ADARB2: variants seen among roughly 807,000 people sequenced by gnomAD.
ADARB2 encodes the protein inactive double-stranded RNA-specific editase B2.
A neutral mutation model predicts 62.2 loss-of-function variants in ADARB2; 25 were observed. The ratio of observed to expected loss-of-function variants is 0.40; its 90% CI spans 0.29 to 0.56. The LOEUF (loss-of-function observed/expected upper bound fraction) is 0.56. ADARB2 is among the 20% of genes least tolerant of loss of function. The pLI is 0.43. For missense variants in ADARB2, 1,071 were observed against 1,077.4 expected, an observed-to-expected ratio of 0.99 and a Z score of 0.08; for synonymous variants, 572 against 500.8, an observed-to-expected ratio of 1.14 and a Z score of -1.90.
intron 1 of ADARB2, among the ~76,000 whole-genome samples, chr10:1,467,044 ATCTCTC>A (rs35329131): frequency 6.7e-6 from 1 of 149,222 alleles, no homozygotes; most frequent in African/African-American, 2.5e-5. Context: ...TATTTACAGC[ATCTCTC>A]TCTCTCTCTC....
At position 1,327,611 on chromosome 10, in the gene ADARB2, T is replaced by G. The variant is rs1342625613; in HGVS notation, c.1077+35417A>C. ...TCCTCACTGCACAGCGCCTCCTCACTGCCCAGCGCCTCCCCACGGCACAGC... is the reference window on the plus strand; with the variant it reads ...TCCTCACTGCACAGCGCCTCCTCACGGCCCAGCGCCTCCCCACGGCACAGC... On this transcript the variant is annotated intron_variant, in intron 3 of 9. Coordinates refer to ENST00000381312, the MANE Select transcript of ADARB2 (RefSeq NM_018702.4). 8.1e-3 allele frequency among the ~76,000 whole-genome samples: 501 copies of G among 62,156 alleles called. 106 individuals are homozygous for G. Among genetic ancestry groups the G allele is most frequent in the Non-Finnish European group, 0.011 (330 of 29,764 alleles). 40.8% of individuals were successfully genotyped at this position (62,156 alleles called of 152,430 possible). A position where few individuals can be genotyped will look rare whatever the true frequency, so the allele number is the denominator to read the frequency against.
At chr10:1,725,060 C>A (rs1190439264) in intron 1 of ADARB2, among the ~76,000 whole-genome samples, 1 of 152,162 alleles carries the variant, frequency 6.6e-6, no homozygotes, top group Non-Finnish European at 1.5e-5. Context: ...GTTAAACAGA[C>A]GCACTGCACT....
chr10:1,639,000 T>A lies in ADARB2; in HGVS notation c.100+98051A>T, dbSNP rs115561356. 9.0e-3 allele frequency among the ~76,000 whole-genome samples: 1,369 copies of A among 152,294 alleles called. 8 individuals carry two copies. Among genetic ancestry groups the A allele is most frequent in the Middle Eastern group, 0.037 (11 of 294 alleles). On this transcript the variant is annotated intron_variant, in intron 1 of 9. Coordinates refer to ENST00000381312, the MANE Select transcript of ADARB2 (RefSeq NM_018702.4). ...GGGGAAGAAGCCGTCTTGGCGAGTG[T>A]CTTGGTTTGAGATCATCAGGGCCAT...
At chr10:1,414,545 A>G (rs1463644952) in intron 1 of ADARB2, among the ~76,000 whole-genome samples, 1 of 152,224 alleles carries the variant, frequency 6.6e-6, no homozygotes, top group East Asian at 1.9e-4. Context: ...TATCTCAGGT[A>G]GCAGAGCAAA....
At chr10:1,570,881 G>T (rs939486040) in intron 1 of ADARB2, among the ~76,000 whole-genome samples, 1 of 152,052 alleles carries the variant, frequency 6.6e-6, no homozygotes, top group African/African-American at 2.4e-5. Flanking sequence ...GGAAACCGGA[G>T]GACTTGAGTG....
chr10:1,478,706 G>A (rs1022933349), intron 1 of ADARB2, among the ~76,000 whole-genome samples: 1 of 151,582 alleles, frequency 6.6e-6, no homozygotes, highest in Non-Finnish European at 1.5e-5. Context: ...TCGGACGGGA[G>A]AGCGCCAAAA....
At chr10:1,731,980 A>G (rs1588370006) in intron 1 of ADARB2, among the ~76,000 whole-genome samples, 1 of 152,234 alleles carries the variant, frequency 6.6e-6, no homozygotes, top group South Asian at 2.1e-4. Context: ...TAAGAACCAA[A>G]TTTAAAACTG....
intron 1 of ADARB2, among the ~76,000 whole-genome samples, chr10:1,500,483 C>A (rs1457142795): frequency 1.3e-5 from 2 of 152,196 alleles, no homozygotes; most frequent in African/African-American, 4.8e-5. Flanking sequence ...CCAAATGCAT[C>A]TTGATACTTC....
intron 1 of ADARB2, among the ~76,000 whole-genome samples, chr10:1,592,952 TCGCC>T: frequency 2.1e-5 from 2 of 97,142 alleles, no homozygotes; most frequent in African/African-American, 9.4e-5. Context: ...CCAGCTTCCC[TCGCC>T]CAAGCCACCC....
At chr10:1,629,893 A>C (rs1299911548) in intron 1 of ADARB2, among the ~76,000 whole-genome samples, 1 of 151,562 alleles carries the variant, frequency 6.6e-6, no homozygotes, top group African/African-American at 2.4e-5. Flanking sequence ...AGCGAGACAC[A>C]GAGAATGCGG....
intron 1 of ADARB2, among the ~76,000 whole-genome samples, chr10:1,499,830 ACACT>A (rs746303187): frequency 4.0e-5 from 6 of 151,684 alleles, no homozygotes; most frequent in Non-Finnish European, 7.4e-5. Context: ...TCATCACTTA[ACACT>A]CATTCATTAC....
intron 1 of ADARB2, among the ~76,000 whole-genome samples, chr10:1,532,924 G>A (rs901363355): frequency 3.3e-5 from 5 of 152,246 alleles, no homozygotes; most frequent in African/African-American, 1.2e-4. Context: ...CGCCTCACCT[G>A]CGGGCATCCA....
At chr10:1,548,617 C>A (rs575629614) in intron 1 of ADARB2, among the ~76,000 whole-genome samples, 4 of 152,272 alleles carry the variant, frequency 2.6e-5, no homozygotes, top group African/African-American at 4.8e-5. Flanking sequence ...TTGGCAAATG[C>A]GTGGGTTGCA....
At chr10:1,206,641 T>G (rs930145702) in intron 7 of ADARB2, among the ~76,000 whole-genome samples, 5 of 152,198 alleles carry the variant, frequency 3.3e-5, no homozygotes, top group African/African-American at 7.2e-5. Flanking sequence ...TGGTTCTTTC[T>G]GTGAAGATGG....
chr10:1,440,492 A>G (rs1261174791), intron 1 of ADARB2, among the ~76,000 whole-genome samples: 1 of 151,390 alleles, frequency 6.6e-6, no homozygotes, highest in East Asian at 1.9e-4. Flanking sequence ...TTGGAGCCAG[A>G]GCCCACGATA....
At chr10:1,480,588 C>G (rs528725658) in intron 1 of ADARB2, among the ~76,000 whole-genome samples, 49 of 152,184 alleles carry the variant, frequency 3.2e-4, no homozygotes, top group African/African-American at 1.1e-3. Context: ...GTCCCCGCTA[C>G]TCAGGAGGCT....
In ADARB2 at chr10:1,493,729, CTTTTTTTTTTTTTTTTTTTTTTTTTTT is replaced by C. The variant is rs555812632; in HGVS notation, c.101-114596_101-114570del. ...TCTAGGCACAGCATAATATGGCATTCTTTTTTTTTTTTTTTTTTTTTTTTTTTTTTTTTTTTTTTTTTTTTTTGAGAT... is the reference window on the plus strand; with the variant it reads ...TCTAGGCACAGCATAATATGGCATTCTTTTTTTTTTTTTTTTTTTTGAGAT... On this transcript the variant is annotated intron_variant, in intron 1 of 9. Transcript: ENST00000381312. Among the ~76,000 whole-genome samples the C allele has an allele frequency of 2.1e-3, 120 of 56,840 alleles. 1 individual carries two copies. Among genetic ancestry groups the C allele is most frequent in the East Asian group, 0.02 (38 of 1,940 alleles). 37.3% of individuals were successfully genotyped at this position (56,840 alleles called of 152,430 possible). A position where few individuals can be genotyped will look rare whatever the true frequency, so the allele number is the denominator to read the frequency against.
chr10:1,649,308 G>A (rs1462261605), intron 1 of ADARB2, among the ~76,000 whole-genome samples: 3 of 152,162 alleles, frequency 2.0e-5, no homozygotes, highest in Non-Finnish European at 4.4e-5. Flanking sequence ...GAATTTGAAG[G>A]GAATTTTCAA....
intron 1 of ADARB2, among the ~76,000 whole-genome samples, chr10:1,619,930 A>T (rs969268455): frequency 1.3e-5 from 2 of 152,206 alleles, no homozygotes; most frequent in Non-Finnish European, 2.9e-5. Flanking sequence ...TAGAAATTAA[A>T]CAATATACTT....
Sources: gnomAD v4.1 joint callset for allele counts (sites outside exome capture counted in the v4.1 genomes callset) on GRCh38, gnomAD v4.1.1 for gene constraint, MANE v1.5 for transcripts, NCBI Gene and HGNC (gene_info 2026-07-23, HGNC 2026-07-21) for gene names.